The following ZNF202 variants were observed in gnomAD, a reference collection of about 807,000 sequenced individuals.
The protein encoded by ZNF202 is zinc finger protein 202, also known as zinc finger protein with KRAB and SCAN domains 10.
In ZNF202, 22 loss-of-function variants were observed where a neutral mutation model predicts 54.5. The observed-to-expected ratio is 0.40, with a 90% CI of 0.29 to 0.58. The LOEUF (loss-of-function observed/expected upper bound fraction) is 0.58. Among genes scored for constraint, ZNF202 ranks in the 20% least tolerant of loss-of-function variants. The probability of loss-of-function intolerance (pLI) is 0.39; values close to 1 mark genes in which losing one functional copy is unlikely to be tolerated. For synonymous variants in ZNF202, 294 were observed against 301.4 expected (o/e 0.98, Z 0.26); for missense variants, 644 against 805.5 (o/e 0.80, Z 2.43).
rs777522516 is a variant in ZNF202 at position 123,724,553 on chromosome 11, A to C, written c.*1444T>G. ...AGATAGAGGAGAAGAAACCAGGCAC[A>C]GAAGACTCTCCCTGTCATGCTTTAA... On this transcript the variant is annotated 3_prime_UTR_variant, in exon 9 of 9. Transcript: ENST00000530393. 6.6e-6 allele frequency: 1 copy of C among 152,200 alleles called. No homozygotes were observed. The highest frequency in any genetic ancestry group is 1.5e-5 in the Non-Finnish European group (1 of 68,050). 9.4% of individuals were successfully genotyped at this position (152,200 alleles called of 1,614,324 possible). A position where few individuals can be genotyped will look rare whatever the true frequency, so the allele number is the denominator to read the frequency against.
At chr11:123,732,825 T>C (rs1459998581) in intron 3 of ZNF202, among the ~76,000 whole-genome samples, 1 of 152,204 alleles carries the variant, frequency 6.6e-6, no homozygotes, top group Non-Finnish European at 1.5e-5. Context: ...TCCTCCATTA[T>C]GCTTTTACTA....
chr11:123,726,851 G>T lies in ZNF202; in HGVS notation c.1093C>A (p.Leu365Ile), dbSNP rs765989151. The T allele has an allele frequency of 6.2e-7, 1 of 1,614,194 alleles. No homozygotes were observed. The highest frequency in any genetic ancestry group is 2.2e-5 in the East Asian group (1 of 44,886). ...EIVFEDNPGR[L>I]NERRFGTNIS... ...TTAGTACCAAATCTTCTTTCATTAA[G>T]TCTACCTGGATTGTCCTCAAAGACT... Residue 365 changes from leucine to isoleucine, a missense_variant, in exon 9 of 9, where the codon CTT (leucine) becomes ATT (isoleucine). Around this residue, in one of 3 missense-constraint regions of ZNF202, gnomAD observed 536 missense variants for 635.3 expected, o/e 0.84. Transcript: ENST00000530393. This position sits in a 1 kb window ranked among gnomAD's most constrained non-coding sequence, Gnocchi z 6.0.
At position 123,730,217 on chromosome 11, in the gene ZNF202, C is replaced by T. The variant is rs145648769; in HGVS notation, c.402+270G>A. Among the ~76,000 whole-genome samples, 36 of 152,258 alleles carry T rather than the reference C, an allele frequency of 2.4e-4. No individual in the cohort carries two copies. Among genetic ancestry groups the T allele is most frequent in the African/African-American group, 4.1e-4 (17 of 41,552 alleles). Reference sequence around the variant, plus strand: ...CAAAATTCTCCTCTCCAGGAACCCACGGCTCAACATTCAAAGAAGGGAAAA... The same window carrying T: ...CAAAATTCTCCTCTCCAGGAACCCATGGCTCAACATTCAAAGAAGGGAAAA... On this transcript the variant is annotated intron_variant, in intron 4 of 8. Coordinates refer to ENST00000530393, the MANE Select transcript of ZNF202 (RefSeq NM_003455.4). This position sits in a 1 kb window ranked among gnomAD's most constrained non-coding sequence, Gnocchi z 6.0.
At position 123,724,386 on chromosome 11, in the gene ZNF202, CAGA is replaced by C. The variant is rs1235118434; in HGVS notation, c.*1608_*1610del. ...TATTTATTTCATATATGTATATTTC[CAGA>C]AGGACAACGGTTGACTGGTATTAAG... On this transcript the variant is annotated 3_prime_UTR_variant, in exon 9 of 9. Coordinates refer to ENST00000530393, the MANE Select transcript of ZNF202 (RefSeq NM_003455.4). 4 of 152,138 alleles carry C rather than the reference CAGA, an allele frequency of 2.6e-5. No homozygotes were observed. Among genetic ancestry groups the C allele is most frequent in the African/African-American group, 9.7e-5 (4 of 41,424 alleles). The allele number at this position is 152,138 out of a possible 1,614,324, so 9.4% of individuals were successfully genotyped here.
At chr11:123,732,558 C>A (rs147142720) in intron 3 of ZNF202, among the ~76,000 whole-genome samples, 1 of 152,250 alleles carries the variant, frequency 6.6e-6, no homozygotes, top group African/African-American at 2.4e-5. Context: ...GAGATGTTTT[C>A]TTTGATCCCA....
In ZNF202 at chr11:123,726,837, T is replaced by C; in HGVS notation, c.1107A>G (p.Arg369=). ...EDNPGRLNER[R]FGTNISQVNS... ...TCACTTGAGAAATATTAGTACCAAA[T>C]CTTCTTTCATTAAGTCTACCTGGAT... The change falls in exon 9 of 9, where the codon AGA becomes AGG. Residue 369 remains arginine (R), a synonymous_variant. Transcript: ENST00000530393. The surrounding 1 kb of genome is among the most constrained non-coding windows in gnomAD (Gnocchi z 6.0). 6.2e-7 allele frequency: 1 copy of C among 1,614,192 alleles called. No homozygotes were observed. The highest frequency in any genetic ancestry group is 1.1e-5 in the South Asian group (1 of 91,076).
Position 123,730,387 on chromosome 11 carries a change from C to T in ZNF202, c.402+100G>A, listed in dbSNP as rs992403512. 1 of 1,426,118 alleles carries T rather than the reference C, an allele frequency of 7.0e-7. No individual in the cohort carries two copies. The highest frequency in any genetic ancestry group is 9.3e-7 in the Non-Finnish European group (1 of 1,074,842). 88.3% of individuals were successfully genotyped at this position (1,426,118 alleles called of 1,614,324 possible). A position where few individuals can be genotyped will look rare whatever the true frequency, so the allele number is the denominator to read the frequency against. On this transcript the variant is annotated intron_variant, in intron 4 of 8. Coordinates refer to ENST00000530393, the MANE Select transcript of ZNF202 (RefSeq NM_003455.4). The surrounding 1 kb of genome is among the most constrained non-coding windows in gnomAD (Gnocchi z 6.0). ...ATGAGCAACCCAAGGGCAGAGCCCA[C>T]TAATAATTTATGGGGATCCTGCAAG...
chr11:123,734,503 T>G (rs1330396368), intron 3 of ZNF202, among the ~76,000 whole-genome samples: 1 of 152,238 alleles, frequency 6.6e-6, no homozygotes. Context: ...ACTCTTCATG[T>G]GGTTAACTCT....
At chr11:123,738,302 C>T (rs888662294) in intron 3 of ZNF202, among the ~76,000 whole-genome samples, 4 of 152,210 alleles carry the variant, frequency 2.6e-5, no homozygotes, top group African/African-American at 7.2e-5. Context: ...TGAGCCACTG[C>T]ACCCAGCCTC....
intron 3 of ZNF202, among the ~76,000 whole-genome samples, chr11:123,731,771 G>A (rs1767634302): frequency 6.6e-6 from 1 of 152,170 alleles, no homozygotes; most frequent in Non-Finnish European, 1.5e-5. Flanking sequence ...TACTATCTTT[G>A]CTTAGAAGAG....
At position 123,725,018 on chromosome 11, in the gene ZNF202, G is replaced by C. The variant is rs1861065211; in HGVS notation, c.*979C>G. 1 of 152,210 alleles carries C rather than the reference G, an allele frequency of 6.6e-6. No homozygotes were observed. Among genetic ancestry groups the C allele is most frequent in the Non-Finnish European group, 1.5e-5 (1 of 68,046 alleles). 9.4% of individuals were successfully genotyped at this position (152,210 alleles called of 1,614,324 possible). ...ATTCTGTAATTGTTATAGTGCCTTT[G>C]TAAGTTGACAGTTTCCAAATCCCCT... On this transcript the variant is annotated 3_prime_UTR_variant, in exon 9 of 9. Transcript: ENST00000530393.
chr11:123,731,192 G>C (rs1237172770), intron 3 of ZNF202, among the ~76,000 whole-genome samples: 1 of 152,094 alleles, frequency 6.6e-6, no homozygotes, highest in Non-Finnish European at 1.5e-5. Context: ...CCTTTCCTAG[G>C]CAAGGTTCAT....
intron 3 of ZNF202, chr11:123,739,535 G>C (rs1184342801): frequency 6.6e-6 from 1 of 152,116 alleles, no homozygotes; most frequent in African/African-American, 2.4e-5. Context: ...TGATCAAAAC[G>C]TGAAGCCCCT....
At chr11:123,732,758 A>G (rs1861466174) in intron 3 of ZNF202, among the ~76,000 whole-genome samples, 1 of 152,194 alleles carries the variant, frequency 6.6e-6, no homozygotes, top group Non-Finnish European at 1.5e-5. Context: ...ATGCATTTAA[A>G]ATGAATAAAA....
At position 123,731,948 on chromosome 11, in the gene ZNF202, C is replaced by T. The variant is rs1219715032; in HGVS notation, c.-97-963G>A. On this transcript the variant is annotated intron_variant, in intron 3 of 8. Coordinates refer to ENST00000530393, the MANE Select transcript of ZNF202 (RefSeq NM_003455.4). The stretch of plus-strand genomic sequence containing the variant: ...CTATTTTTCAAGCTTCAGATCCTAC[C>T]TTTTCCCTGTATCACCTGGTTATAA... 5.3e-5 allele frequency among the ~76,000 whole-genome samples: 8 copies of T among 152,264 alleles called. No individual in the cohort carries two copies. The East Asian group carries it at 1.5e-3, about 29-fold the overall frequency.
At chr11:123,740,591 G>C (rs1861819639) in intron 1 of ZNF202, 55 bp from the exon 2 acceptor site, 1 of 152,290 alleles carries the variant, frequency 6.6e-6, no homozygotes, top group Non-Finnish European at 1.5e-5. Flanking sequence ...CTCTAATTGA[G>C]AGCCTGGGAT....
chr11:123,725,988 G>C lies in ZNF202; in HGVS notation c.*9C>G, dbSNP rs774169517. ...GGCTGAAAGCAGATCTCCTCACATG[G>C]GGACCTAGCTAGGAGGTCTTTTCTG... On this transcript the variant is annotated 3_prime_UTR_variant, in exon 9 of 9. Transcript: ENST00000530393. The C allele has an allele frequency of 1.2e-6, 2 of 1,602,628 alleles. No homozygotes were observed. Among genetic ancestry groups the C allele is most frequent in the African/African-American group, 2.7e-5 (2 of 74,672 alleles).
rs1861290460 is a variant in ZNF202 at position 123,729,194 on chromosome 11, G to A, written c.634C>T (p.Pro212Ser). 1 of 1,613,670 alleles carries A rather than the reference G, an allele frequency of 6.2e-7. No individual in the cohort carries two copies. The highest frequency in any genetic ancestry group is 8.5e-7 in the Non-Finnish European group (1 of 1,179,996). The change falls in exon 6 of 9, where the codon CCA becomes TCA. Residue 212 changes from proline to serine, a missense_variant. Pro to Ser is a moderately conservative substitution (Grantham distance 74, BLOSUM62 -1). Transcript: ENST00000530393. ...QESEVPVPED[P>S]DLPAERSSGD... ...GAGCTCCTCTCTGCAGGAAGGTCTG[G>A]GTCCTCGGGCACTGGGACCTCTATG... is the stretch of plus-strand genomic sequence containing the variant.
At position 123,730,674 on chromosome 11, in the gene ZNF202, T is replaced by C. The variant is rs943010612; in HGVS notation, c.215A>G (p.His72Arg). Reference protein sequence around the residue: ...EALIRLRELCHQWLRPERRTK... With the variant: ...EALIRLRELCRQWLRPERRTK... ...CCGCCTCTCTGGTCTCAGCCACTGG[T>C]GACAAAGTTCTCGGAGTCTGATGAG... The change falls in exon 4 of 9, where the codon CAC (histidine) becomes CGC (arginine). Residue 72 changes from histidine (H) to arginine (R), a missense_variant. His to Arg is a conservative substitution (Grantham distance 29). Transcript: ENST00000530393. This position sits in a 1 kb window ranked among gnomAD's most constrained non-coding sequence, Gnocchi z 6.0. 1.2e-5 allele frequency: 20 copies of C among 1,614,014 alleles called. No individual in the cohort carries two copies. The highest frequency in any genetic ancestry group is 1.6e-4 in the Middle Eastern group (1 of 6,084).
Sources: allele counts gnomAD v4.1 joint callset (sites outside exome capture counted in the v4.1 genomes callset), GRCh38; gene constraint gnomAD v4.1.1; regional missense constraint gnomAD v4.1.1; non-coding constraint Gnocchi (gnomAD v3.1); transcripts MANE v1.5; gene names NCBI Gene and HGNC (gene_info 2026-07-23, HGNC 2026-07-21).